Variants in FEZ2 observed in about 807,000 individuals in gnomAD.
FEZ2 encodes the protein fasciculation and elongation protein zeta 2.
In FEZ2, 51 loss-of-function variants were observed where a neutral mutation model predicts 40.4. The ratio of observed to expected loss-of-function variants is 1.26; its 90% CI spans 1.01 to 1.59. The LOEUF (loss-of-function observed/expected upper bound fraction) is 1.59, where lower values mean the gene tolerates loss of function less well. FEZ2 is among the 40% of genes most tolerant of loss of function. The pLI, the probability that FEZ2 is intolerant of heterozygous loss-of-function variation, is 0.00. For synonymous variants in FEZ2, 242 were observed against 172.0 expected (o/e 1.41, Z -3.18); for missense variants, 640 against 438.3 (o/e 1.46, Z -4.11).
chr2:36,552,753 A>G lies in FEZ2; in HGVS notation c.*410T>C, dbSNP rs575479914. On this transcript the variant is annotated 3_prime_UTR_variant, in exon 8 of 8. Coordinates refer to ENST00000405912, the MANE Select transcript of FEZ2 (RefSeq NM_005102.3). ...TTACACTGACAATTCTCACAAAAAA[A>G]CAGTGTTGGTTCTTGCCATCACTGA... 281 of 195,830 alleles carry G rather than the reference A, an allele frequency of 1.4e-3. 1 individual carries two copies. The highest frequency in any genetic ancestry group is 6.3e-3 in the African/African-American group (267 of 42,352). The allele number at this position is 195,830 out of a possible 1,614,324, so 12.1% of individuals were successfully genotyped here.
Position 36,558,481 on chromosome 2 carries a change from T to C in FEZ2, c.936A>G (p.Lys312=). Residue 312 remains lysine, a synonymous_variant, in exon 6 of 8, where the codon AAA becomes AAG. Transcript: ENST00000405912. ...YLTTVIPYEK[K]NGPPSVEDLQ... The stretch of plus-strand genomic sequence containing the variant: ...GATCTTCAACAGACGGTGGTCCGTT[T>C]TTTTTCTCATAAGGAATGACTGTAG... 1 of 1,528,850 alleles carries C rather than the reference T, an allele frequency of 6.5e-7. No homozygotes were observed. The highest frequency in any genetic ancestry group is 2.5e-5 in the East Asian group (1 of 40,524). 94.7% of individuals were successfully genotyped at this position (1,528,850 alleles called of 1,614,324 possible).
intron 5 of FEZ2, among the ~76,000 whole-genome samples, chr2:36,566,939 C>T (rs533645829): frequency 2.1e-5 from 3 of 140,910 alleles, no homozygotes; most frequent in South Asian, 2.3e-4. Flanking sequence ...CACACACATA[C>T]GCATAGACAC....
intron 7 of FEZ2, chr2:36,555,416 A>G (rs1397636996): frequency 7.5e-6 from 2 of 266,292 alleles, no homozygotes; most frequent in African/African-American, 2.2e-5. Flanking sequence ...CCATCTCACT[A>G]ATTTTCTTCT....
At chr2:36,582,508 T>C (rs1034088870) in intron 3 of FEZ2, among the ~76,000 whole-genome samples, 5 of 152,196 alleles carry the variant, frequency 3.3e-5, no homozygotes, top group Admixed American at 2.6e-4. Context: ...GGACAATGAA[T>C]TCTCAAGGTC....
chr2:36,565,321 T>C (rs1351534586), intron 5 of FEZ2, among the ~76,000 whole-genome samples: 5 of 152,306 alleles, frequency 3.3e-5, no homozygotes, highest in Admixed American at 1.3e-4. Context: ...AACCCAAACA[T>C]GTAACTACCT....
chr2:36,569,235 G>A (rs534223069), intron 5 of FEZ2, among the ~76,000 whole-genome samples: 22 of 152,206 alleles, frequency 1.4e-4, no homozygotes, highest in African/African-American at 4.3e-4. Context: ...AAAAAGTATT[G>A]GCTATAATTC....
chr2:36,597,498 C>A (rs1669260809), intron 1 of FEZ2, among the ~76,000 whole-genome samples: 1 of 152,236 alleles, frequency 6.6e-6, no homozygotes, highest in Non-Finnish European at 1.5e-5. Flanking sequence ...GCGCCTGGCA[C>A]TCAGCAGGTG....
chr2:36,572,499 C>T (rs1668447111), intron 5 of FEZ2, among the ~76,000 whole-genome samples: 1 of 152,158 alleles, frequency 6.6e-6, no homozygotes, highest in Admixed American at 6.5e-5. Context: ...CAAACTTTTT[C>T]TGTCAAGAGC....
chr2:36,593,944 C>G (rs11678218), intron 1 of FEZ2, among the ~76,000 whole-genome samples: 39,878 of 151,754 alleles, frequency 0.26, 5,971 homozygotes, highest in Middle Eastern at 0.35. Context: ...ACCCAAGTTA[C>G]CTCCTGAATG....
chr2:36,555,626 A>AT lies in FEZ2; in HGVS notation c.1045+56dup, dbSNP rs555112583. 1.6e-3 allele frequency: 1,462 copies of AT among 907,644 alleles called. 9 individuals are homozygous for AT. The highest frequency in any genetic ancestry group is 5.3e-3 in the Middle Eastern group (24 of 4,524). 56.2% of individuals were successfully genotyped at this position (907,644 alleles called of 1,614,324 possible). On this transcript the variant is annotated intron_variant, in intron 7 of 7. Transcript: ENST00000405912. ...GTCTAATGTATTAGCAAGGCGATGT[A>AT]TTTACTGACTAATCCAAACCTCCCA...
chr2:36,573,672 G>C (rs1668483630), intron 5 of FEZ2, among the ~76,000 whole-genome samples: 1 of 152,228 alleles, frequency 6.6e-6, no homozygotes, highest in African/African-American at 2.4e-5. Flanking sequence ...TTAAGCCAAT[G>C]ATTACAACAC....
At chr2:36,597,601 G>A (rs1669264851) in intron 1 of FEZ2, among the ~76,000 whole-genome samples, 1 of 152,152 alleles carries the variant, frequency 6.6e-6, no homozygotes, top group Non-Finnish European at 1.5e-5. Flanking sequence ...GCTCTGCATG[G>A]GCGATTCCCT....
chr2:36,590,849 G>C (rs896647969), intron 2 of FEZ2, 54 bp downstream of exon 2: 14 of 1,010,222 alleles, frequency 1.4e-5, no homozygotes, highest in South Asian at 2.6e-5. Flanking sequence ...TACTGTTTTA[G>C]TTCTATTATC....
At chr2:36,585,896 A>G (rs549720810) in intron 2 of FEZ2, among the ~76,000 whole-genome samples, 2 of 152,234 alleles carry the variant, frequency 1.3e-5, no homozygotes, top group African/African-American at 2.4e-5. Flanking sequence ...TGAGAAAATA[A>G]TATCAAGTAA....
intron 5 of FEZ2, among the ~76,000 whole-genome samples, chr2:36,573,095 G>A (rs1668462639): frequency 6.6e-6 from 1 of 152,136 alleles, no homozygotes; most frequent in African/African-American, 2.4e-5. Context: ...TTTTGATGGT[G>A]GAGTGTAACA....
intron 7 of FEZ2, among the ~76,000 whole-genome samples, chr2:36,554,799 C>A (rs553746943): frequency 6.6e-6 from 1 of 152,234 alleles, no homozygotes; most frequent in East Asian, 1.9e-4. Context: ...AAAAGACCAT[C>A]AGAGGTTTCT....
chr2:36,574,709 G>T (rs944061278), intron 5 of FEZ2, among the ~76,000 whole-genome samples: 1 of 151,730 alleles, frequency 6.6e-6, no homozygotes, highest in African/African-American at 2.4e-5. Context: ...TCCAGAAGAA[G>T]AGCATTGAAT....
Position 36,598,030 on chromosome 2 carries a change from G to GCC in FEZ2, c.111_112dup (p.Ala38GlyfsTer22). ...ACCGTCGGCGCCCCCACCCGCCTCG[G>GCC]CCCCCGCCTCCGCCCCAGGCTCGGG... On this transcript the variant is annotated frameshift_variant, in exon 1 of 8. Coordinates refer to ENST00000405912, the MANE Select transcript of FEZ2 (RefSeq NM_005102.3). LOFTEE classifies it high-confidence loss of function. The GCC allele has an allele frequency of 7.0e-7, 1 of 1,436,988 alleles. No homozygotes were observed. Among genetic ancestry groups the GCC allele is most frequent in the Non-Finnish European group, 9.3e-7 (1 of 1,074,374 alleles). 89.0% of individuals were successfully genotyped at this position (1,436,988 alleles called of 1,614,324 possible). A position where few individuals can be genotyped will look rare whatever the true frequency, so the allele number is the denominator to read the frequency against.
rs573054426 is a variant in FEZ2, at chr2:36,568,076, C to T, written c.904-9563G>A. Among the ~76,000 whole-genome samples, 21 of 152,016 alleles carry T rather than the reference C, an allele frequency of 1.4e-4. No individual in the cohort carries two copies. The South Asian group carries it at 4.2e-3, about 30-fold the overall frequency. ...ACATTTACAACCTTGAGAGCAGATG[C>T]GGTATTATTAGGTGCTTATGGTGCT... On this transcript the variant is annotated intron_variant, in intron 5 of 7. Transcript: ENST00000405912.
Sources: allele counts gnomAD v4.1 joint callset (sites outside exome capture counted in the v4.1 genomes callset), GRCh38; gene constraint gnomAD v4.1.1; transcripts MANE v1.5; gene names NCBI Gene and HGNC (gene_info 2026-07-23, HGNC 2026-07-21).